KIAA1328: variants seen among roughly 807,000 people sequenced by gnomAD.
KIAA1328 encodes the protein protein hinderin.
KIAA1328 carries 52 observed loss-of-function variants against 68.1 expected under a neutral mutation model. The ratio of observed to expected loss-of-function variants is 0.76; its 90% confidence interval spans 0.61 to 0.96. The LOEUF is 0.96. Ranked by LOEUF, KIAA1328 falls within the 40% of genes least tolerant of loss-of-function variation. The pLI, the probability that KIAA1328 is intolerant of heterozygous loss-of-function variation, is 0.00. For synonymous variants in KIAA1328, 232 were observed against 239.4 expected (o/e 0.97, Z 0.28); for missense variants, 641 against 677.6 (o/e 0.95, Z 0.60).
At chr18:36,850,853 G>A (rs1253058545) in intron 4 of KIAA1328, among the ~76,000 whole-genome samples, 1 of 152,154 alleles carries the variant, frequency 6.6e-6, no homozygotes, top group African/African-American at 2.4e-5. Context: ...CTAGTACATT[G>A]ATTAGTGGAG....
intron 4 of KIAA1328, among the ~76,000 whole-genome samples, chr18:36,851,800 T>C (rs892694138): frequency 2.1e-5 from 3 of 145,364 alleles, no homozygotes; most frequent in African/African-American, 7.7e-5. Flanking sequence ...TTTATTCTAA[T>C]ATTTATTTTC....
intron 7 of KIAA1328, among the ~76,000 whole-genome samples, chr18:37,080,986 GTTGA>G (rs1436318348): frequency 6.6e-6 from 1 of 151,474 alleles, no homozygotes; most frequent in East Asian, 1.9e-4. Flanking sequence ...TGATTGATTG[GTTGA>G]TTGATTGATT....
intron 3 of KIAA1328, among the ~76,000 whole-genome samples, chr18:36,838,262 G>A: frequency 6.6e-6 from 1 of 152,150 alleles, no homozygotes; most frequent in East Asian, 1.9e-4. Context: ...AATAGAGATA[G>A]TTCACATATT....
At chr18:37,139,227 T>C (rs2058714775) in intron 7 of KIAA1328, among the ~76,000 whole-genome samples, 1 of 152,134 alleles carries the variant, frequency 6.6e-6, no homozygotes, top group Non-Finnish European at 1.5e-5. Context: ...CCTCCCAAAG[T>C]GCTGGGATTA....
intron 4 of KIAA1328, among the ~76,000 whole-genome samples, chr18:36,862,388 A>G (rs1255492697): frequency 1.3e-5 from 2 of 152,214 alleles, no homozygotes; most frequent in Non-Finnish European, 2.9e-5. Flanking sequence ...TCTTGGAACC[A>G]CTAATCAGCT....
chr18:37,135,351 C>T lies in KIAA1328; in HGVS notation c.1233-24849C>T, dbSNP rs568614162. ...AAGTGTTCCTTTTTCTCTACAGTCT[C>T]GCCAGCAACTGTTGTGTTTTGACTT... On this transcript the variant is annotated intron_variant, in intron 7 of 9. Coordinates refer to ENST00000280020, the MANE Select transcript of KIAA1328 (RefSeq NM_020776.3). Among the ~76,000 whole-genome samples, 4 of 152,222 alleles carry T rather than the reference C, an allele frequency of 2.6e-5. No individual in the cohort carries two copies. In the South Asian group the frequency reaches 6.2e-4, roughly 24 times the overall value.
chr18:37,160,204 T>C lies in KIAA1328; in HGVS notation c.1237T>C (p.Leu413=), dbSNP rs752268314. 6 of 1,611,006 alleles carry C rather than the reference T, an allele frequency of 3.7e-6. No homozygotes were observed. The highest frequency in any genetic ancestry group is 5.1e-6 in the Non-Finnish European group (6 of 1,178,456). The change falls in exon 8 of 10, where the codon TTG becomes CTG. Residue 413 remains leucine (L), a synonymous_variant. Transcript: ENST00000280020. ...CATTCATCGTTGTTCTTTCAGTTTATTGAAGTCAAACTGTGATGGCTGGCT... is the reference window on the plus strand; with the variant it reads ...CATTCATCGTTGTTCTTTCAGTTTACTGAAGTCAAACTGTGATGGCTGGCT... ...HQSRLDYNCL[L]KSNCDGWLLG...
At chr18:36,989,992 C>A (rs2053110081) in intron 6 of KIAA1328, among the ~76,000 whole-genome samples, 2 of 152,204 alleles carry the variant, frequency 1.3e-5, no homozygotes, top group South Asian at 2.1e-4. Flanking sequence ...CGCACCCAGC[C>A]AGTATACTAC....
intron 6 of KIAA1328, among the ~76,000 whole-genome samples, chr18:36,979,159 C>T (rs1170560064): frequency 1.3e-5 from 2 of 151,268 alleles, no homozygotes; most frequent in Non-Finnish European, 2.9e-5. Context: ...GAGACCCTAT[C>T]TCTAAAAATA....
chr18:36,877,176 T>C (rs2048156428), intron 4 of KIAA1328, among the ~76,000 whole-genome samples: 1 of 152,222 alleles, frequency 6.6e-6, no homozygotes, highest in Non-Finnish European at 1.5e-5. Context: ...GAGAGTTCTG[T>C]AGATGTCTAT....
chr18:36,942,458 G>A (rs371603672), intron 5 of KIAA1328, among the ~76,000 whole-genome samples: 9 of 152,166 alleles, frequency 5.9e-5, no homozygotes, highest in African/African-American at 2.2e-4. Context: ...CAGGCAGTAG[G>A]GGGAGTAGTA....
intron 7 of KIAA1328, among the ~76,000 whole-genome samples, chr18:37,127,483 A>T (rs2151947538): frequency 6.6e-6 from 1 of 152,264 alleles, no homozygotes; most frequent in Admixed American, 6.5e-5. Context: ...TGGAGGCAGG[A>T]AGATCCCTTG....
At chr18:36,910,886 A>C (rs1011111393) in intron 5 of KIAA1328, among the ~76,000 whole-genome samples, 1 of 151,990 alleles carries the variant, frequency 6.6e-6, no homozygotes, top group South Asian at 2.1e-4. Context: ...CTTTTCTGTC[A>C]TCGTCATGAG....
rs1051996941 is a variant in KIAA1328, at chr18:37,127,835, A to G, written c.1233-32365A>G. On this transcript the variant is annotated intron_variant, in intron 7 of 9. Coordinates refer to ENST00000280020, the MANE Select transcript of KIAA1328 (RefSeq NM_020776.3). ...CAAGACTTGCTATAAAGCTGCAGTA[A>G]TAAAGTTCAGTACTGAAATAACAGT... Among the ~76,000 whole-genome samples, 4 of 152,224 alleles carry G rather than the reference A, an allele frequency of 2.6e-5. No individual in the cohort carries two copies. In the South Asian group the frequency reaches 8.3e-4, roughly 31 times the overall value.
downstream of KIAA1328, among the ~76,000 whole-genome samples, chr18:37,228,290 C>G (rs1018746503): frequency 6.6e-6 from 1 of 152,072 alleles, no homozygotes; most frequent in African/African-American, 2.4e-5. Flanking sequence ...AATAAAGCAG[C>G]GTCGGGGTTT....
intron 7 of KIAA1328, 24 bp downstream of exon 7, chr18:37,067,569 T>G (rs1568362087): frequency 2.7e-6 from 4 of 1,459,810 alleles, no homozygotes; most frequent in East Asian, 2.5e-5. Flanking sequence ...GTTCTTTTTT[T>G]TTTTTTTTTG....
intron 4 of KIAA1328, among the ~76,000 whole-genome samples, chr18:36,872,786 A>T (rs1334090438): frequency 6.6e-6 from 1 of 152,230 alleles, no homozygotes; most frequent in Non-Finnish European, 1.5e-5. Context: ...AAACAATCTG[A>T]TGAGGAATTT....
chr18:36,838,360 A>G (rs1312100421), intron 3 of KIAA1328, among the ~76,000 whole-genome samples: 1 of 152,166 alleles, frequency 6.6e-6, no homozygotes, highest in Admixed American at 6.5e-5. Context: ...AAGTCTTTTA[A>G]ATCTACTCAT....
intron 4 of KIAA1328, among the ~76,000 whole-genome samples, chr18:36,884,764 C>T (rs1373732828): frequency 1.3e-5 from 2 of 152,178 alleles, no homozygotes; most frequent in African/African-American, 4.8e-5. Context: ...AATGTCTCTG[C>T]ACACAGAGTA....
Sources: allele counts gnomAD v4.1 joint callset (sites outside exome capture counted in the v4.1 genomes callset), GRCh38; gene constraint gnomAD v4.1.1; transcripts MANE v1.5; gene names NCBI Gene and HGNC (gene_info 2026-07-23, HGNC 2026-07-21).